Variants in PLCL1 observed in about 807,000 individuals in gnomAD.
The protein encoded by PLCL1 is phospholipase C like 1 (inactive).
In PLCL1, 41 loss-of-function variants were observed where a neutral mutation model predicts 84.4. The ratio of observed to expected loss-of-function variants is 0.49; its 90% CI spans 0.38 to 0.63. The LOEUF (loss-of-function observed/expected upper bound fraction) is 0.63, where lower values mean the gene tolerates loss of function less well. Ranked by LOEUF, PLCL1 falls within the 30% of genes least tolerant of loss-of-function variation. The pLI is 0.00. For missense variants in PLCL1, 1,206 were observed against 1,367.8 expected (o/e 0.88, Z 1.87); for synonymous variants, 490 against 488.3 (o/e 1.00, Z -0.05).
At chr2:198,026,828 C>A (rs1428558671) in intron 1 of PLCL1, among the ~76,000 whole-genome samples, 1 of 152,132 alleles carries the variant, frequency 6.6e-6, no homozygotes, top group East Asian at 1.9e-4. Flanking sequence ...TCACCACTCA[C>A]CTATTAGAAT....
rs74763929 is a variant in PLCL1, at chr2:198,131,960, A to T, written c.3106-14820A>T. ...TCACATTTGAAGCAGGCTTTAGAGGACTGTGTTATCTTTTCCTTTTCCATT... is the reference window on the plus strand; with the variant it reads ...TCACATTTGAAGCAGGCTTTAGAGGTCTGTGTTATCTTTTCCTTTTCCATT... On this transcript the variant is annotated intron_variant, in intron 5 of 5. Transcript: ENST00000428675. 2.6e-3 allele frequency among the ~76,000 whole-genome samples: 396 copies of T among 152,244 alleles called. 1 individual carries two copies. The highest frequency in any genetic ancestry group is 9.2e-3 in the African/African-American group (382 of 41,554).
Position 198,083,847 on chromosome 2 carries a change from C to G in PLCL1, c.330C>G (p.Asp110Glu). The G allele has an allele frequency of 6.2e-7, 1 of 1,613,914 alleles. No individual in the cohort carries two copies. The highest frequency in any genetic ancestry group is 1.1e-5 in the South Asian group (1 of 91,064). ...AAAAGAAAATTAGCAGTGCAAATGA[C>G]TGCATCAGCTTCATGCAAGCTGGCT... The part of the protein sequence containing the change: ...PSEKKISSAN[D>E]CISFMQAGCE... Residue 110 changes from aspartate (D) to glutamate (E), a missense_variant, in exon 2 of 6, where the codon GAC (aspartate) becomes GAG (glutamate). Coordinates refer to ENST00000428675, the MANE Select transcript of PLCL1 (RefSeq NM_006226.4).
intron 1 of PLCL1, among the ~76,000 whole-genome samples, chr2:197,958,376 G>A (rs926742861): frequency 1.0e-4 from 15 of 148,236 alleles, no homozygotes; most frequent in African/African-American, 3.2e-4. Context: ...AAAAAGAATC[G>A]CAAAAAAAAA....
intron 1 of PLCL1, among the ~76,000 whole-genome samples, chr2:197,809,632 C>T (rs561852120): frequency 6.6e-6 from 1 of 152,268 alleles, no homozygotes; most frequent in Non-Finnish European, 1.5e-5. Flanking sequence ...ATGGAGCTTA[C>T]ATCCTATTGT....
chr2:197,844,403 C>T (rs1559022552), intron 1 of PLCL1, among the ~76,000 whole-genome samples: 1 of 152,098 alleles, frequency 6.6e-6, no homozygotes, highest in Non-Finnish European at 1.5e-5. Context: ...TTTCCCTCCA[C>T]ATAATATTTG....
intron 1 of PLCL1, among the ~76,000 whole-genome samples, chr2:198,029,509 A>G (rs2105847439): frequency 6.6e-6 from 1 of 152,248 alleles, no homozygotes; most frequent in African/African-American, 2.4e-5. Context: ...TACCCCGAAG[A>G]ACAACTGGAG....
intron 1 of PLCL1, among the ~76,000 whole-genome samples, chr2:197,929,750 AAAGT>A (rs1278791949): frequency 6.6e-6 from 1 of 152,182 alleles, no homozygotes; most frequent in Admixed American, 6.6e-5. Flanking sequence ...GGTAACTAGT[AAAGT>A]AAGTGACACA....
At position 197,884,639 on chromosome 2, in the gene PLCL1, C is replaced by G. The variant is rs140901915; in HGVS notation, c.240+79300C>G. On this transcript the variant is annotated intron_variant, in intron 1 of 5. Transcript: ENST00000428675. ...CTATCCACCAGATAGATAGCTCACT[C>G]TGAAAATTTGAGGTTCATTCACCAA... Among the ~76,000 whole-genome samples, 36 of 152,300 alleles carry G rather than the reference C, an allele frequency of 2.4e-4. No homozygotes were observed. In the East Asian group the frequency reaches 4.6e-3, roughly 20 times the overall value.
intron 1 of PLCL1, among the ~76,000 whole-genome samples, chr2:197,902,155 G>C (rs1477468148): frequency 6.6e-6 from 1 of 152,160 alleles, no homozygotes; most frequent in Non-Finnish European, 1.5e-5. Flanking sequence ...TTGGGGCACT[G>C]AGCAGCCCCA....
intron 1 of PLCL1, among the ~76,000 whole-genome samples, chr2:197,848,791 C>T (rs981707339): frequency 6.6e-6 from 1 of 152,042 alleles, no homozygotes; most frequent in African/African-American, 2.4e-5. Context: ...TTTGGCCTGA[C>T]CCAAGTGATG....
At chr2:198,031,582 C>CT (rs1163087993) in intron 1 of PLCL1, among the ~76,000 whole-genome samples, 1 of 151,432 alleles carries the variant, frequency 6.6e-6, no homozygotes, top group East Asian at 1.9e-4. Context: ...CCTTGACCTC[C>CT]TGGGCTCAAG....
intron 1 of PLCL1, among the ~76,000 whole-genome samples, chr2:197,878,501 A>G (rs1014034238): frequency 6.6e-6 from 1 of 152,176 alleles, no homozygotes; most frequent in African/African-American, 2.4e-5. Context: ...AAGTCAGCCT[A>G]TCTTTTGGAA....
chr2:198,003,077 G>A (rs189455745), intron 1 of PLCL1, among the ~76,000 whole-genome samples: 40 of 151,932 alleles, frequency 2.6e-4, no homozygotes, highest in Admixed American at 2.4e-3. Flanking sequence ...TTTAGAGGTT[G>A]TTAGATACTC....
chr2:197,840,347 G>T (rs1574907126), intron 1 of PLCL1, among the ~76,000 whole-genome samples: 1 of 151,816 alleles, frequency 6.6e-6, no homozygotes, highest in East Asian at 1.9e-4. Context: ...TGATTAAAAT[G>T]CAGATAGCAT....
chr2:198,109,074 G>A (rs1437050863), intron 5 of PLCL1, among the ~76,000 whole-genome samples: 3 of 151,772 alleles, frequency 2.0e-5, no homozygotes, highest in African/African-American at 4.8e-5. Context: ...TGTCCTTCTT[G>A]TGCTGATATA....
intron 3 of PLCL1, among the ~76,000 whole-genome samples, chr2:198,097,357 G>A (rs994596889): frequency 1.3e-5 from 2 of 152,124 alleles, no homozygotes; most frequent in Admixed American, 1.3e-4. Context: ...ATATCCATAA[G>A]CAAGTATTTC....
intron 1 of PLCL1, among the ~76,000 whole-genome samples, chr2:197,985,958 TC>T (rs1690210612): frequency 6.6e-6 from 1 of 152,180 alleles, no homozygotes; most frequent in African/African-American, 2.4e-5. Context: ...GGTGAGATCC[TC>T]TGGAATAGAT....
At chr2:197,865,252 C>T (rs1411056127) in intron 1 of PLCL1, among the ~76,000 whole-genome samples, 3 of 152,046 alleles carry the variant, frequency 2.0e-5, no homozygotes, top group Non-Finnish European at 4.4e-5. Context: ...CAGCAGGGGA[C>T]GTAGGTCAGA....
chr2:197,816,084 G>A (rs1307981202), intron 1 of PLCL1, among the ~76,000 whole-genome samples: 1 of 152,112 alleles, frequency 6.6e-6, no homozygotes, highest in Non-Finnish European at 1.5e-5. Flanking sequence ...AGCATTGTAT[G>A]CTACAGATAC....
Sources: gnomAD v4.1 joint callset for allele counts (sites outside exome capture counted in the v4.1 genomes callset) on GRCh38, gnomAD v4.1.1 for gene constraint, MANE v1.5 for transcripts, NCBI Gene and HGNC (gene_info 2026-07-23, HGNC 2026-07-21) for gene names.